RIMBP2: variants seen among roughly 807,000 people sequenced by gnomAD.
RIMBP2 encodes RIMS binding protein 2.
Under a neutral mutation model 118.6 loss-of-function variants are expected in RIMBP2, and 48 were observed. The observed-to-expected ratio is 0.40, with a 90% CI of 0.32 to 0.51. The LOEUF is 0.51. Ranked by LOEUF, RIMBP2 falls within the 20% of genes least tolerant of loss-of-function variation. The probability of loss-of-function intolerance (pLI) is 0.41; values close to 1 mark genes in which losing one functional copy is unlikely to be tolerated. For synonymous variants in RIMBP2, 762 were observed against 742.9 expected (o/e 1.03, Z -0.42); for missense variants, 1,551 against 1,768.3 (o/e 0.88, Z 2.20).
chr12:130,590,715 C>T (rs1280922141), intron 2 of RIMBP2, among the ~76,000 whole-genome samples: 1 of 152,206 alleles, frequency 6.6e-6, no homozygotes, highest in Non-Finnish European at 1.5e-5. Context: ...GCAACCAGAC[C>T]TCCCCGCTTC....
intron 2 of RIMBP2, among the ~76,000 whole-genome samples, chr12:130,557,847 G>A (rs2056496534): frequency 1.3e-5 from 2 of 152,106 alleles, no homozygotes; most frequent in Non-Finnish European, 2.9e-5. Flanking sequence ...CACCACCACA[G>A]ACCCTGGGGT....
At chr12:130,554,083 G>A (rs1047028935) in intron 2 of RIMBP2, among the ~76,000 whole-genome samples, 4 of 152,118 alleles carry the variant, frequency 2.6e-5, no homozygotes, top group Non-Finnish European at 4.4e-5. Flanking sequence ...CATTGATCTC[G>A]GGAAGCAGTG....
intron 4 of RIMBP2, among the ~76,000 whole-genome samples, chr12:130,490,915 C>T (rs1040187549): frequency 6.6e-6 from 1 of 152,112 alleles, no homozygotes; most frequent in East Asian, 1.9e-4. Context: ...GGGTGGGGAG[C>T]GAAGTGGGAA....
intron 5 of RIMBP2, among the ~76,000 whole-genome samples, chr12:130,477,558 C>A (rs532127488): frequency 6.6e-6 from 1 of 152,276 alleles, no homozygotes; most frequent in South Asian, 2.1e-4. Context: ...GTGCCTGCCA[C>A]CTTATTATGA....
intron 1 of RIMBP2, among the ~76,000 whole-genome samples, chr12:130,662,386 G>A (rs1462961551): frequency 2.0e-5 from 3 of 152,158 alleles, no homozygotes; most frequent in East Asian, 1.9e-4. Flanking sequence ...GGCGGAGCGC[G>A]GTGGCTCACG....
In RIMBP2 at chr12:130,436,994, G is replaced by T. The variant is rs143584336; in HGVS notation, c.1954C>A (p.His652Asn). 1.0e-3 allele frequency: 1,620 copies of T among 1,608,446 alleles called. 1 individual carries two copies. Among genetic ancestry groups the T allele is most frequent in the Non-Finnish European group, 1.3e-3 (1,474 of 1,177,200 alleles). Residue 652 changes from histidine to asparagine, a missense_variant, in exon 13 of 23, where the codon CAT becomes AAT. Around this residue, in one of 5 missense-constraint regions of RIMBP2, gnomAD observed 1,038 missense variants for 1,125.1 expected, o/e 0.92. Coordinates refer to ENST00000690449, the MANE Select transcript of RIMBP2 (RefSeq NM_001393629.1). ...WEQSRAPGPV[H>N]GHMLEPPVGP... ...ACGGGCGGCTCCAGCATGTGCCCAT[G>T]CACAGGGCCAGGTGCACGGCTCTGC...
intron 15 of RIMBP2, chr12:130,427,059 G>A (rs948033159): frequency 6.6e-6 from 1 of 152,276 alleles, no homozygotes; most frequent in Non-Finnish European, 1.5e-5. Context: ...ATAGGGATCT[G>A]GCATGTTCTT....
chr12:130,674,762 T>C (rs983412741), intron 1 of RIMBP2, among the ~76,000 whole-genome samples: 30 of 151,656 alleles, frequency 2.0e-4, no homozygotes, highest in African/African-American at 7.0e-4. Flanking sequence ...GACCGGCCGC[T>C]CCCCATTCCC....
At chr12:130,648,009 G>A (rs1171245024) in intron 1 of RIMBP2, among the ~76,000 whole-genome samples, 3 of 146,440 alleles carry the variant, frequency 2.0e-5, no homozygotes, top group Non-Finnish European at 3.1e-5. Flanking sequence ...ACACACGTGT[G>A]CACACACATG....
chr12:130,607,831 G>A (rs1417433315), intron 2 of RIMBP2, among the ~76,000 whole-genome samples: 2 of 151,742 alleles, frequency 1.3e-5, no homozygotes, highest in Non-Finnish European at 2.9e-5. Flanking sequence ...TTTTACAGCC[G>A]CTTAGGTTCT....
intron 6 of RIMBP2, among the ~76,000 whole-genome samples, chr12:130,460,649 C>G (rs1302801934): frequency 1.3e-5 from 2 of 152,084 alleles, no homozygotes; most frequent in Non-Finnish European, 2.9e-5. Flanking sequence ...TTCACAGTCA[C>G]AGTTTGGTGT....
intron 4 of RIMBP2, among the ~76,000 whole-genome samples, chr12:130,492,169 C>A (rs556211154): frequency 1.3e-5 from 2 of 152,290 alleles, no homozygotes; most frequent in South Asian, 4.1e-4. Context: ...CATTTATGTA[C>A]ACACGATTTG....
intron 10 of RIMBP2, among the ~76,000 whole-genome samples, chr12:130,444,007 C>A (rs2078332989): frequency 6.6e-6 from 1 of 152,204 alleles, no homozygotes; most frequent in African/African-American, 2.4e-5. Context: ...TGCTGTCACA[C>A]AGACAATGGA....
chr12:130,614,847 T>TA (rs2060800189), intron 2 of RIMBP2, among the ~76,000 whole-genome samples: 1 of 150,052 alleles, frequency 6.7e-6, no homozygotes, highest in South Asian at 2.1e-4. Flanking sequence ...TATATATATA[T>TA]AAAATACAGA....
intron 1 of RIMBP2, among the ~76,000 whole-genome samples, chr12:130,666,739 G>A (rs1050508773): frequency 9.1e-5 from 13 of 142,836 alleles, no homozygotes; most frequent in Middle Eastern, 3.4e-3. Flanking sequence ...AAGAAGAGGG[G>A]AAGGAGGGAA....
chr12:130,483,618 C>T (rs1347217341), intron 4 of RIMBP2, among the ~76,000 whole-genome samples: 1 of 151,168 alleles, frequency 6.6e-6, no homozygotes, highest in Non-Finnish European at 1.5e-5. Context: ...AGGCGGGATA[C>T]ACAGTGCCCA....
Position 130,445,148 on chromosome 12 carries a change from T to G in RIMBP2, c.691+12A>C, listed in dbSNP as rs750035763. ...CAGCCTACGTCCGCCACAGCCATGT[T>G]CCAACAGAGACCTTCATAGAACCCA... On this transcript the variant is annotated intron_variant, in intron 10 of 22. Transcript: ENST00000690449. The G allele has an allele frequency of 6.3e-7, 1 of 1,575,686 alleles. No homozygotes were observed. Among genetic ancestry groups the G allele is most frequent in the Non-Finnish European group, 8.7e-7 (1 of 1,155,784 alleles).
chr12:130,473,047 C>T (rs2081137030), intron 5 of RIMBP2, among the ~76,000 whole-genome samples: 1 of 152,096 alleles, frequency 6.6e-6, no homozygotes, highest in African/African-American at 2.4e-5. Context: ...AGATAGTTTT[C>T]AACTGGCAGG....
At chr12:130,565,364 C>T (rs966166734) in intron 2 of RIMBP2, among the ~76,000 whole-genome samples, 5 of 152,168 alleles carry the variant, frequency 3.3e-5, no homozygotes, top group African/African-American at 1.2e-4. Context: ...TCAGCTATGA[C>T]CCAGCACTTC....
Sources: allele counts gnomAD v4.1 joint callset (sites outside exome capture counted in the v4.1 genomes callset), GRCh38; gene constraint gnomAD v4.1.1; regional missense constraint gnomAD v4.1.1; transcripts MANE v1.5; gene names NCBI Gene and HGNC (gene_info 2026-07-23, HGNC 2026-07-21).